Variants in DPH5 observed in about 807,000 individuals in gnomAD.
DPH5 encodes diphthamide biosynthesis 5.
Under a neutral mutation model 31.6 loss-of-function variants are expected in DPH5, and 31 were observed. That is an observed-to-expected ratio of 0.98 (90% CI 0.74 to 1.32). The LOEUF is 1.32. Among genes scored for constraint, DPH5 ranks in the 40% most tolerant of loss-of-function variants. DPH5 has a pLI of 0.00. For synonymous variants in DPH5, 120 were observed against 115.0 expected, an observed-to-expected ratio of 1.04 and a Z score of -0.28; for missense variants, 309 against 335.7, an observed-to-expected ratio of 0.92 and a Z score of 0.62.
rs764281242 is a variant in DPH5 at position 100,992,671 on chromosome 1, A to C, written c.600T>G (p.Ile200Met). The C allele has an allele frequency of 3.7e-6, 6 of 1,613,866 alleles. No individual in the cohort carries two copies. In the African/African-American group the frequency reaches 5.3e-5, roughly 14 times the overall value. Reference sequence around the variant, plus strand: ...CTCCTCGTATTCTTTGATTTTGAACAATCTCCAGAAGCTGCTGGGCTGCTT... The same window carrying C: ...CTCCTCGTATTCTTTGATTTTGAACCATCTCCAGAAGCTGCTGGGCTGCTT... The part of the protein sequence containing the change: ...VNQAAQQLLE[I>M]VQNQRIRGEE... Residue 200 changes from isoleucine (I) to methionine (M), a missense_variant, in exon 7 of 8, where the codon ATT becomes ATG. Physicochemically the swap from Ile to Met is conservative, Grantham distance 10. Coordinates refer to ENST00000370109, the MANE Select transcript of DPH5 (RefSeq NM_015958.3).
intron 5 of DPH5, among the ~76,000 whole-genome samples, chr1:100,998,426 T>C (rs1486454647): frequency 2.0e-5 from 3 of 151,556 alleles, no homozygotes; most frequent in South Asian, 2.1e-4. Flanking sequence ...GGAGAATTGC[T>C]TGAACCTGGT....
Position 101,013,700 on chromosome 1 carries a change from G to A in DPH5, c.369+10C>T. The A allele has an allele frequency of 6.5e-7, 1 of 1,533,880 alleles. No individual in the cohort carries two copies. Among genetic ancestry groups the A allele is most frequent in the Non-Finnish European group, 8.9e-7 (1 of 1,129,410 alleles). On this transcript the variant is annotated intron_variant, in intron 4 of 7. Transcript: ENST00000370109. ...TTAATTCCACTGAAAAACCTCCTTT[G>A]TTGCATTACCTGTAAACCACAGCAG...
chr1:101,019,872 G>T (rs1660328743), intron 3 of DPH5, among the ~76,000 whole-genome samples: 1 of 151,672 alleles, frequency 6.6e-6, no homozygotes, highest in Non-Finnish European at 1.5e-5. Flanking sequence ...GAATGAAAGA[G>T]GTAGCATCTG....
Position 100,989,847 on chromosome 1 carries a change from A to G in DPH5, c.*561T>C, listed in dbSNP as rs1463731677. 1 of 153,616 alleles carries G rather than the reference A, an allele frequency of 6.5e-6. No homozygotes were observed. Among genetic ancestry groups the G allele is most frequent in the Non-Finnish European group, 1.4e-5 (1 of 69,130 alleles). 9.5% of individuals were successfully genotyped at this position (153,616 alleles called of 1,614,324 possible). ...CCAGCCTGGTCTGCTTTATGTGTAC[A>G]TCCTGAAAATTTGCCAAAATAGCAG... On this transcript the variant is annotated 3_prime_UTR_variant, in exon 8 of 8. Transcript: ENST00000370109.
intron 4 of DPH5, among the ~76,000 whole-genome samples, chr1:101,013,058 A>C (rs1659815044): frequency 6.6e-6 from 1 of 152,260 alleles, no homozygotes; most frequent in Non-Finnish European, 1.5e-5. Context: ...ATGATGTCTT[A>C]AAACCACTGT....
chr1:101,010,342 G>C (rs1224070635), intron 4 of DPH5, among the ~76,000 whole-genome samples: 1 of 152,180 alleles, frequency 6.6e-6, no homozygotes, highest in Non-Finnish European at 1.5e-5. Context: ...CTGTAAGATA[G>C]TGTGTATCAA....
chr1:101,022,786 T>C (rs1431305218), intron 2 of DPH5: 2 of 152,232 alleles, frequency 1.3e-5, no homozygotes, highest in Non-Finnish European at 2.9e-5. Flanking sequence ...GGATCCAGCA[T>C]TGACCATTTT....
In DPH5 at chr1:100,989,841, G is replaced by C. The variant is rs1286731041; in HGVS notation, c.*567C>G. ...AGCTTTCCAGCCTGGTCTGCTTTAT[G>C]TGTACATCCTGAAAATTTGCCAAAA... On this transcript the variant is annotated 3_prime_UTR_variant, in exon 8 of 8. Transcript: ENST00000370109. 6.5e-6 allele frequency: 1 copy of C among 153,548 alleles called. No individual in the cohort carries two copies. 9.5% of individuals were successfully genotyped at this position (153,548 alleles called of 1,614,324 possible). A position where few individuals can be genotyped will look rare whatever the true frequency, so the allele number is the denominator to read the frequency against.
At chr1:101,021,876 G>A (rs950579920) in intron 2 of DPH5, 111 bp from the exon 3 acceptor site, 1 of 1,153,182 alleles carries the variant, frequency 8.7e-7, no homozygotes, top group Non-Finnish European at 1.2e-6. Context: ...TTTGGGACTG[G>A]TGCATATGTT....
chr1:101,016,972 T>C (rs1196827445), intron 3 of DPH5, among the ~76,000 whole-genome samples: 1 of 152,200 alleles, frequency 6.6e-6, no homozygotes, highest in East Asian at 1.9e-4. Flanking sequence ...ATCAATTAAG[T>C]TCGCCATTTT....
intron 4 of DPH5, among the ~76,000 whole-genome samples, chr1:101,007,370 G>C (rs1024571933): frequency 2.0e-5 from 3 of 152,148 alleles, no homozygotes; most frequent in African/African-American, 2.4e-5. Context: ...TTCTGATTCT[G>C]TATGTCTAAG....
chr1:101,013,812 T>C lies in DPH5; in HGVS notation c.267A>G (p.Thr89=), dbSNP rs1659870307. The C allele has an allele frequency of 1.2e-6, 2 of 1,611,204 alleles. No individual in the cohort carries two copies. Among genetic ancestry groups the C allele is most frequent in the Non-Finnish European group, 1.7e-6 (2 of 1,178,870 alleles). The change falls in exon 4 of 8, where the codon ACA becomes ACG. Residue 89 remains threonine, a synonymous_variant. Transcript: ENST00000370109. ...FLVVGDPFGA[T]THSDLVLRAT... Reference sequence around the variant, plus strand: ...CTCTTAGAACAAGATCACTGTGTGTTGTGGCCCTGTAGTGAGAAAAGATTA... The same window carrying C: ...CTCTTAGAACAAGATCACTGTGTGTCGTGGCCCTGTAGTGAGAAAAGATTA...
intron 5 of DPH5, chr1:100,995,585 T>TG (rs1658276443): frequency 6.4e-6 from 1 of 157,208 alleles, no homozygotes; most frequent in Non-Finnish European, 1.4e-5. Context: ...TGTTAACACA[T>TG]GCCATAATTT....
At chr1:101,004,438 C>A (rs1659081008) in intron 4 of DPH5, among the ~76,000 whole-genome samples, 1 of 152,080 alleles carries the variant, frequency 6.6e-6, no homozygotes, top group Non-Finnish European at 1.5e-5. Context: ...ATTATTGCTG[C>A]AAATCTAAAT....
At chr1:100,998,081 A>G (rs1326812499) in intron 5 of DPH5, among the ~76,000 whole-genome samples, 1 of 152,254 alleles carries the variant, frequency 6.6e-6, no homozygotes, top group Admixed American at 6.5e-5. Flanking sequence ...TGAATGAAGC[A>G]CTAAATCACA....
intron 5 of DPH5, among the ~76,000 whole-genome samples, chr1:100,998,821 C>T (rs1251410555): frequency 3.9e-5 from 6 of 152,276 alleles, no homozygotes; most frequent in South Asian, 4.1e-4. Flanking sequence ...TAACACATCA[C>T]TGAAGGGATT....
intron 3 of DPH5, among the ~76,000 whole-genome samples, chr1:101,019,170 G>A (rs530144540): frequency 5.3e-4 from 80 of 152,304 alleles, no homozygotes; most frequent in Non-Finnish European, 1.0e-3. Context: ...GAATGTTTGA[G>A]ACTGTCAACT....
At chr1:100,993,582 A>G (rs1361213980) in intron 6 of DPH5, among the ~76,000 whole-genome samples, 16 of 98,524 alleles carry the variant, frequency 1.6e-4, no homozygotes, top group African/African-American at 3.8e-4. Flanking sequence ...ATATATATAT[A>G]TATATATATA....
chr1:101,013,820 T>C lies in DPH5; in HGVS notation c.261-2A>G. On this transcript the variant is annotated splice_acceptor_variant, in intron 3 of 7. Coordinates refer to ENST00000370109, the MANE Select transcript of DPH5 (RefSeq NM_015958.3). LOFTEE classifies it high-confidence loss of function. ...ACAAGATCACTGTGTGTTGTGGCCCTGTAGTGAGAAAAGATTAGATTGGAT... is the reference window on the plus strand; with the variant it reads ...ACAAGATCACTGTGTGTTGTGGCCCCGTAGTGAGAAAAGATTAGATTGGAT... The C allele has an allele frequency of 6.2e-7, 1 of 1,602,790 alleles. No homozygotes were observed. The highest frequency in any genetic ancestry group is 8.5e-7 in the Non-Finnish European group (1 of 1,175,090).
Sources: gnomAD v4.1 joint callset for allele counts (sites outside exome capture counted in the v4.1 genomes callset) on GRCh38, gnomAD v4.1.1 for gene constraint, MANE v1.5 for transcripts, NCBI Gene and HGNC (gene_info 2026-07-23, HGNC 2026-07-21) for gene names.